The following GPANK1 variants were observed in gnomAD, a reference collection of about 807,000 sequenced individuals.
The protein encoded by GPANK1 is G patch domain and ankyrin repeat-containing protein 1.
Under a neutral mutation model 24.0 loss-of-function variants are expected in GPANK1, and 22 were observed. The observed-to-expected ratio is 0.92, with a 90% CI of 0.66 to 1.31. The LOEUF is 1.31. Ranked by LOEUF, GPANK1 falls within the 50% of genes most tolerant of loss-of-function variation. The pLI, the probability that GPANK1 is intolerant of heterozygous loss-of-function variation, is 0.00. For missense variants in GPANK1, 469 were observed against 453.5 expected (o/e 1.03, Z -0.31); for synonymous variants, 174 against 177.4 (o/e 0.98, Z 0.15).
At position 31,662,211 on chromosome 6, in the gene GPANK1, G is replaced by T; in HGVS notation, c.*55C>A. The T allele has an allele frequency of 1.6e-6, 2 of 1,273,182 alleles. No individual in the cohort carries two copies. Among genetic ancestry groups the T allele is most frequent in the Non-Finnish European group, 2.2e-6 (2 of 918,146 alleles). The allele number at this position is 1,273,182 out of a possible 1,614,324, so 78.9% of individuals were successfully genotyped here. ...AGGAAGGGGAAGTCAAAGGGCCCAGGTCAGAGGCCCAAGTTCAGACTTCAG... is the reference window on the plus strand; with the variant it reads ...AGGAAGGGGAAGTCAAAGGGCCCAGTTCAGAGGCCCAAGTTCAGACTTCAG... On this transcript the variant is annotated 3_prime_UTR_variant, in exon 3 of 3. Transcript: ENST00000375896. This position sits in a 1 kb window ranked among gnomAD's most constrained non-coding sequence, Gnocchi z 5.5.
At chr6:31,665,029 A>G, upstream of GPANK1, 3 of 278,908 alleles carry the variant, frequency 1.1e-5, no homozygotes, top group South Asian at 1.3e-4. Context: ...GACACAATCA[A>G]ATAGCCACAC....
chr6:31,663,549 C>A, intron 2 of GPANK1: 1 of 392,024 alleles, frequency 2.6e-6, no homozygotes, highest in Non-Finnish European at 4.5e-6. Context: ...TACTATGCGG[C>A]ATGCACTATT....
In GPANK1 at chr6:31,661,912, G is replaced by A; in HGVS notation, c.*354C>T. The A allele has an allele frequency of 3.9e-6, 1 of 254,680 alleles. No individual in the cohort carries two copies. The highest frequency in any genetic ancestry group is 7.4e-6 in the Non-Finnish European group (1 of 135,392). The allele number at this position is 254,680 out of a possible 1,614,324, so 15.8% of individuals were successfully genotyped here. A position where few individuals can be genotyped will look rare whatever the true frequency, so the allele number is the denominator to read the frequency against. ...AATTCTTGGTCCAGGGGGGTTGAAA[G>A]AATAGGTGGGGGACTCCCAGGAGGG... On this transcript the variant is annotated 3_prime_UTR_variant, in exon 3 of 3. Coordinates refer to ENST00000375896, the MANE Select transcript of GPANK1 (RefSeq NM_033177.4).
upstream of GPANK1, chr6:31,665,058 T>C (rs1182699284): frequency 3.2e-6 from 1 of 308,344 alleles, no homozygotes; most frequent in Non-Finnish European, 6.2e-6. Context: ...GACGCATGCG[T>C]GGCGACAACA....
chr6:31,665,080 C>A, upstream of GPANK1: 1 of 337,100 alleles, frequency 3.0e-6, no homozygotes, highest in South Asian at 3.6e-5. Flanking sequence ...CAACAAAAAC[C>A]ACAACCCACA....
Position 31,662,485 on chromosome 6 carries a change from G to A in GPANK1, c.852C>T (p.Pro284=). 1 of 1,611,866 alleles carries A rather than the reference G, an allele frequency of 6.2e-7. No individual in the cohort carries two copies. The highest frequency in any genetic ancestry group is 8.5e-7 in the Non-Finnish European group (1 of 1,179,284). Residue 284 remains proline, a synonymous_variant, in exon 3 of 3, where the codon CCC becomes CCT. Transcript: ENST00000375896. This position sits in a 1 kb window ranked among gnomAD's most constrained non-coding sequence, Gnocchi z 5.5. Reference sequence around the variant, plus strand: ...GGTCCCTCTTGAGGACAGTGGGGATGGGATTGGCACGGCCCTCACCCCGGG... The same window carrying A: ...GGTCCCTCTTGAGGACAGTGGGGATAGGATTGGCACGGCCCTCACCCCGGG... The part of the protein sequence containing the change: ...LGPRGEGRAN[P]IPTVLKRDQE...
intron 1 of GPANK1, 47 bp downstream of exon 1, chr6:31,664,794 A>C: frequency 7.8e-6 from 3 of 386,302 alleles, no homozygotes; most frequent in Non-Finnish European, 9.3e-6. Context: ...ACCAACAATA[A>C]ACACCAGCCT....
At position 31,662,404 on chromosome 6, in the gene GPANK1, A is replaced by T; in HGVS notation, c.933T>A (p.Ala311=). Residue 311 remains alanine (A), a synonymous_variant, in exon 3 of 3, where the codon GCT becomes GCA. Transcript: ENST00000375896. This position sits in a 1 kb window ranked among gnomAD's most constrained non-coding sequence, Gnocchi z 5.5. ...APQPRVTHFP[A]WDTRAVAGRE... is the part of the protein sequence containing the mutation. ...TCCCAGCCACAGCTCGGGTATCCCA[A>T]GCTGGGAAATGTGTCACTCGGGGCT... 6.2e-7 allele frequency: 1 copy of T among 1,612,608 alleles called. No individual in the cohort carries two copies. Among genetic ancestry groups the T allele is most frequent in the Non-Finnish European group, 8.5e-7 (1 of 1,179,838 alleles).
upstream of GPANK1, chr6:31,665,599 G>C (rs1274202883): frequency 9.9e-7 from 1 of 1,008,230 alleles, no homozygotes; most frequent in Admixed American, 2.3e-5. Flanking sequence ...GCAGGAGCCC[G>C]GAGGAAACAG....
At chr6:31,665,214 G>A (rs1801487173), upstream of GPANK1, 5 of 558,502 alleles carry the variant, frequency 9.0e-6, no homozygotes, top group Middle Eastern at 4.8e-4. Context: ...CTGTCGGTTG[G>A]GGTCCTACTT....
upstream of GPANK1, chr6:31,665,725 G>A: frequency 1.2e-6 from 1 of 845,954 alleles, no homozygotes; most frequent in Non-Finnish European, 1.8e-6. Flanking sequence ...CGCCGCGCCG[G>A]GACTAGAGGG....
chr6:31,665,060 G>C, upstream of GPANK1: 1 of 309,568 alleles, frequency 3.2e-6, no homozygotes, highest in South Asian at 3.9e-5. Flanking sequence ...CGCATGCGTG[G>C]CGACAACAAC....
At position 31,662,498 on chromosome 6, in the gene GPANK1, C is replaced by A; in HGVS notation, c.839G>T (p.Gly280Val). ...GACAGTGGGGATGGGATTGGCACGG[C>A]CCTCACCCCGGGGTCCCAGCCCCAT... ...PGMGLGPRGE[G>V]RANPIPTVLK... is the part of the protein sequence containing the mutation. The change falls in exon 3 of 3, where the codon GGC (glycine) becomes GTC (valine). Residue 280 changes from glycine to valine, a missense_variant. Coordinates refer to ENST00000375896, the MANE Select transcript of GPANK1 (RefSeq NM_033177.4). The surrounding 1 kb of genome is among the most constrained non-coding windows in gnomAD (Gnocchi z 5.5). 2 of 1,611,988 alleles carry A rather than the reference C, an allele frequency of 1.2e-6. No individual in the cohort carries two copies. Among genetic ancestry groups the A allele is most frequent in the Non-Finnish European group, 1.7e-6 (2 of 1,179,396 alleles).
rs1275365373 is a variant in GPANK1, at chr6:31,662,511, G to A, written c.826C>T (p.Pro276Ser). ...GGATTGGCACGGCCCTCACCCCGGG[G>A]TCCCAGCCCCATTCCTGGCTCCCAG... ...GGWEPGMGLG[P>S]RGEGRANPIP... Residue 276 changes from proline (P) to serine (S), a missense_variant, in exon 3 of 3, where the codon CCC becomes TCC. Pro to Ser is a moderately conservative substitution (Grantham distance 74, BLOSUM62 -1). Coordinates refer to ENST00000375896, the MANE Select transcript of GPANK1 (RefSeq NM_033177.4). This position sits in a 1 kb window ranked among gnomAD's most constrained non-coding sequence, Gnocchi z 5.5. The A allele has an allele frequency of 8.7e-6, 14 of 1,612,492 alleles. No homozygotes were observed. Among genetic ancestry groups the A allele is most frequent in the Non-Finnish European group, 1.1e-5 (13 of 1,179,800 alleles).
chr6:31,666,191 C>G (rs906170252), upstream of GPANK1: 5 of 992,982 alleles, frequency 5.0e-6, no homozygotes, highest in African/African-American at 5.2e-5. Context: ...CACCCCAGTC[C>G]TGGTCCCCGT....
At position 31,661,924 on chromosome 6, in the gene GPANK1, G is replaced by T; in HGVS notation, c.*342C>A. On this transcript the variant is annotated 3_prime_UTR_variant, in exon 3 of 3. Transcript: ENST00000375896. The stretch of plus-strand genomic sequence containing the variant: ...AGGGGGGTTGAAAGAATAGGTGGGG[G>T]ACTCCCAGGAGGGTCTGGGACCTGA... 3.6e-6 allele frequency: 1 copy of T among 274,120 alleles called. No homozygotes were observed. The highest frequency in any genetic ancestry group is 6.8e-6 in the Non-Finnish European group (1 of 147,862). The allele number at this position is 274,120 out of a possible 1,614,324, so 17.0% of individuals were successfully genotyped here.
At chr6:31,665,773 C>T, upstream of GPANK1, 13 of 1,031,326 alleles carry the variant, frequency 1.3e-5, no homozygotes, top group East Asian at 2.9e-5. Context: ...TCCAGCCTGG[C>T]TCCCTCCTTT....
upstream of GPANK1, chr6:31,665,616 C>G: frequency 3.8e-6 from 4 of 1,041,598 alleles, no homozygotes; most frequent in South Asian, 1.4e-5. Flanking sequence ...ACAGTATGCC[C>G]GTCAAGGGTC....
At chr6:31,665,595 G>T (rs974104191), upstream of GPANK1, 3 of 1,210,956 alleles carry the variant, frequency 2.5e-6, no homozygotes, top group Middle Eastern at 2.5e-4. Flanking sequence ...TGAGGCAGGA[G>T]CCCGGAGGAA....
Sources: gnomAD v4.1 joint callset for allele counts on GRCh38, gnomAD v4.1.1 for gene constraint, Gnocchi (gnomAD v3.1) non-coding constraint, MANE v1.5 for transcripts, NCBI Gene and HGNC (gene_info 2026-07-23, HGNC 2026-07-21) for gene names.